Variants in CHD2 observed in about 807,000 individuals in gnomAD.
CHD2 encodes the protein chromodomain helicase DNA binding protein 2, also known as ATP-dependent chromatin remodeler CHD2.
In CHD2, 28 loss-of-function variants were observed where a neutral mutation model predicts 243.9. The observed-to-expected ratio is 0.11, with a 90% CI of 0.09 to 0.16. The LOEUF (loss-of-function observed/expected upper bound fraction) is 0.16. Among genes scored for constraint, CHD2 ranks in the 10% least tolerant of loss-of-function variants. The pLI is 1.00. For synonymous variants in CHD2, 775 were observed against 779.0 expected (o/e 0.99, Z 0.09); for missense variants, 1,386 against 2,209.8 (o/e 0.63, Z 7.47).
intron 36 of CHD2, 140 bp downstream of exon 36, chr15:93,012,584 G>C (rs2054406431): frequency 1.8e-6 from 1 of 570,348 alleles, no homozygotes; most frequent in African/African-American, 1.9e-5. Context: ...AATAAGACCA[G>C]ATGGGTGAAA....
At chr15:92,908,100 C>T (rs1268545614) in intron 2 of CHD2, among the ~76,000 whole-genome samples, 1 of 151,062 alleles carries the variant, frequency 6.6e-6, no homozygotes, top group Admixed American at 6.6e-5. Flanking sequence ...GAATCACAGC[C>T]CGGCTTTTGC....
chr15:92,955,652 C>T, intron 15 of CHD2, 140 bp downstream of exon 15: 1 of 480,630 alleles, frequency 2.1e-6, no homozygotes, highest in South Asian at 4.3e-5. Flanking sequence ...GGGTCTGTAC[C>T]TCCTACTTGC....
Position 92,979,215 on chromosome 15 carries a change from T to C in CHD2, c.2808T>C (p.Asp936=), listed in dbSNP as rs1192362774. 1.9e-6 allele frequency: 3 copies of C among 1,614,028 alleles called. No individual in the cohort carries two copies. The highest frequency in any genetic ancestry group is 8.5e-7 in the Non-Finnish European group (1 of 1,180,002). The change falls in exon 22 of 39, where the codon GAT becomes GAC. Residue 936 remains aspartate (D), a synonymous_variant. Transcript: ENST00000394196. The part of the protein sequence containing the change: ...IERAKKKMVL[D]HLVIQRMDTT... ...GGGCCAAAAAGAAGATGGTATTAGA[T>C]CATCTGGTGATTCAGCGCATGGACA... is the stretch of plus-strand genomic sequence containing the variant.
intron 34 of CHD2, among the ~76,000 whole-genome samples, chr15:93,007,786 T>C (rs995934000): frequency 9.9e-5 from 15 of 152,256 alleles, no homozygotes; most frequent in Non-Finnish European, 2.1e-4. Context: ...TTTTACTTTT[T>C]AAGTTGTTCA....
chr15:92,900,857 G>T (rs996589911), intron 1 of CHD2, 33 bp downstream of exon 1: 1 of 405,508 alleles, frequency 2.5e-6, no homozygotes, highest in Non-Finnish European at 4.3e-6. Flanking sequence ...TAATTTTAAA[G>T]ATTTATTTGT....
At chr15:92,954,634 A>C (rs2053595248) in intron 14 of CHD2, among the ~76,000 whole-genome samples, 1 of 152,286 alleles carries the variant, frequency 6.6e-6, no homozygotes, top group Non-Finnish European at 1.5e-5. Context: ...TTATAGGTTT[A>C]CAAAATAGCG....
chr15:92,993,981 A>T (rs886325713), intron 28 of CHD2, among the ~76,000 whole-genome samples: 1 of 152,180 alleles, frequency 6.6e-6, no homozygotes, highest in South Asian at 2.1e-4. Context: ...CAAAATATAA[A>T]TAAATTAATT....
At position 92,951,181 on chromosome 15, in the gene CHD2, G is replaced by A. The variant is rs145102221; in HGVS notation, c.1502+2105G>A. Among the ~76,000 whole-genome samples the A allele has an allele frequency of 1.7e-3, 259 of 151,904 alleles. 3 individuals are homozygous for A. The highest frequency in any genetic ancestry group is 6.0e-3 in the African/African-American group (247 of 41,426). On this transcript the variant is annotated intron_variant, in intron 13 of 38. Transcript: ENST00000394196. ...CATTTTTTAGACTTTTTATTTTTTA[G>A]TTTTTTTGAGACTGAGTTTTGCTCT...
At chr15:92,915,960 C>G (rs1407342841) in intron 2 of CHD2, among the ~76,000 whole-genome samples, 3 of 152,232 alleles carry the variant, frequency 2.0e-5, no homozygotes, top group Non-Finnish European at 2.9e-5. Context: ...ATTGCTTCCT[C>G]TGCCCTGTTG....
intron 28 of CHD2, among the ~76,000 whole-genome samples, chr15:92,994,824 C>CT (rs1022638158): frequency 5.3e-5 from 8 of 151,948 alleles, no homozygotes; most frequent in South Asian, 4.1e-4. Flanking sequence ...CAAAGTCTCC[C>CT]TTTTTTTTGT....
intron 20 of CHD2, among the ~76,000 whole-genome samples, chr15:92,976,347 G>C (rs994771536): frequency 2.0e-5 from 3 of 152,102 alleles, no homozygotes; most frequent in African/African-American, 7.2e-5. Context: ...TGCTTACTTA[G>C]AATATTGGGA....
chr15:93,017,285 G>T (rs758986364), intron 37 of CHD2, among the ~76,000 whole-genome samples: 4 of 151,456 alleles, frequency 2.6e-5, no homozygotes, highest in Non-Finnish European at 4.4e-5. Context: ...AGTCCTTCTA[G>T]TCCTCATTGC....
intron 5 of CHD2, among the ~76,000 whole-genome samples, chr15:92,936,178 C>A (rs930548700): frequency 6.6e-6 from 1 of 152,092 alleles, no homozygotes; most frequent in African/African-American, 2.4e-5. Context: ...TTAGGGTGAC[C>A]GTTGTAGCTT....
chr15:93,004,073 G>A (rs112880994), intron 33 of CHD2, among the ~76,000 whole-genome samples: 5,327 of 148,840 alleles, frequency 0.036, 232 homozygotes, highest in African/African-American at 0.096. Context: ...GCAGTGAGCC[G>A]AGATCATGAC....
rs2053018856 is a variant in CHD2 at position 92,924,455 on chromosome 15, C to A, written c.197C>A (p.Ser66Tyr). Residue 66 changes from serine (S) to tyrosine (Y), a missense_variant, in exon 3 of 39, where the codon TCT becomes TAT. Physicochemically the swap from Ser to Tyr is moderately radical, Grantham distance 144. Transcript: ENST00000394196. The part of the protein sequence containing the change: ...SSESSESQSE[S>Y]ESESAGSKSQ... The stretch of plus-strand genomic sequence containing the variant: ...GAATCTTCTGAGAGTCAGTCGGAAT[C>A]TGAGAGCGAATCAGCAGGTTCCAAA... 1 of 1,614,154 alleles carries A rather than the reference C, an allele frequency of 6.2e-7. No homozygotes were observed. Among genetic ancestry groups the A allele is most frequent in the Non-Finnish European group, 8.5e-7 (1 of 1,180,028 alleles).
chr15:92,986,225 A>G (rs1016330414), intron 26 of CHD2, among the ~76,000 whole-genome samples: 4 of 152,096 alleles, frequency 2.6e-5, no homozygotes, highest in African/African-American at 7.2e-5. Flanking sequence ...ATTTCTTGGT[A>G]TCTGATTCAA....
chr15:92,945,603 G>T (rs2053453400), intron 10 of CHD2: 8 of 225,858 alleles, frequency 3.5e-5, no homozygotes, highest in Non-Finnish European at 6.9e-5. Context: ...TCACCATGTT[G>T]GCCAGGTTGG....
chr15:93,013,483 G>T (rs925582786), intron 36 of CHD2, among the ~76,000 whole-genome samples: 3 of 152,190 alleles, frequency 2.0e-5, no homozygotes, highest in Admixed American at 6.5e-5. Flanking sequence ...CTACTAGTGG[G>T]AGTATACATT....
chr15:92,904,925 G>A lies in CHD2; in HGVS notation c.62+3626G>A, dbSNP rs1264382376. ...TTTAATACATGGCTCATAAACAAAGGGAAGATTATTTGAACTTGTCCCCAT... is the reference window on the plus strand; with the variant it reads ...TTTAATACATGGCTCATAAACAAAGAGAAGATTATTTGAACTTGTCCCCAT... On this transcript the variant is annotated intron_variant, in intron 2 of 38. Coordinates refer to ENST00000394196, the MANE Select transcript of CHD2 (RefSeq NM_001271.4). 2.6e-6 allele frequency: 4 copies of A among 1,535,836 alleles called. No individual in the cohort carries two copies. In the African/African-American group the frequency reaches 4.1e-5, roughly 16 times the overall value.
Sources: allele counts gnomAD v4.1 joint callset (sites outside exome capture counted in the v4.1 genomes callset), GRCh38; gene constraint gnomAD v4.1.1; transcripts MANE v1.5; gene names NCBI Gene and HGNC (gene_info 2026-07-23, HGNC 2026-07-21).